Variants in GLIS3 observed in about 807,000 individuals in gnomAD.
The protein encoded by GLIS3 is zinc finger protein GLIS3.
In GLIS3, 53 loss-of-function variants were observed where a neutral mutation model predicts 78.6. That is an observed-to-expected ratio of 0.67 (90% CI 0.54 to 0.85). The LOEUF (loss-of-function observed/expected upper bound fraction) is 0.85. Ranked by LOEUF, GLIS3 falls within the 40% of genes least tolerant of loss-of-function variation. The pLI is 0.00. For missense variants in GLIS3, 1,703 were observed against 1,231.1 expected (o/e 1.38, Z -5.74); for synonymous variants, 684 against 509.9 (o/e 1.34, Z -4.60).
At chr9:3,884,441 T>C (rs1423359245) in intron 7 of GLIS3, among the ~76,000 whole-genome samples, 2 of 152,170 alleles carry the variant, frequency 1.3e-5, no homozygotes, top group Non-Finnish European at 2.9e-5. Flanking sequence ...TGTTTAAAAC[T>C]ATGTGAGCAG....
intron 4 of GLIS3, among the ~76,000 whole-genome samples, chr9:3,987,761 C>CAAAAAAA (rs60986898): frequency 2.9e-4 from 3 of 10,460 alleles, no homozygotes; most frequent in African/African-American, 6.9e-4. Context: ...CTGGATTTGG[C>CAAAAAAA]AAAAAAAAAA....
intron 4 of GLIS3, among the ~76,000 whole-genome samples, chr9:3,980,691 G>A (rs1205358075): frequency 6.6e-6 from 1 of 152,164 alleles, no homozygotes; most frequent in Non-Finnish European, 1.5e-5. Context: ...AAAAAGTGCA[G>A]GTAGTTCTAA....
intron 4 of GLIS3, among the ~76,000 whole-genome samples, chr9:3,995,526 CAGATATA>C (rs1245675566): frequency 6.6e-6 from 1 of 151,480 alleles, no homozygotes; most frequent in African/African-American, 2.4e-5. Flanking sequence ...ATGGAAATAT[CAGATATA>C]TAAGTATAAA....
At position 3,856,143 on chromosome 9, in the gene GLIS3, C is replaced by G. The variant is rs200694226; in HGVS notation, c.2339G>C (p.Arg780Pro). 1.3e-5 allele frequency: 21 copies of G among 1,613,888 alleles called. No individual in the cohort carries two copies. Among genetic ancestry groups the G allele is most frequent in the African/African-American group, 2.7e-5 (2 of 74,892 alleles). The change falls in exon 9 of 11, where the codon CGG becomes CCG. Residue 780 changes from arginine (R) to proline (P), a missense_variant. Transcript: ENST00000381971. The part of the protein sequence containing the change: ...SAPSPHHISP[R>P]RVPAPSSILQ... ...TATTGAAGAAGGAGCTGGAACTCTC[C>G]GGGGGCTGATGTGGTGAGGAGATGG...
intron 6 of GLIS3, among the ~76,000 whole-genome samples, chr9:3,902,536 TAAA>T (rs1296509316): frequency 6.6e-6 from 1 of 152,206 alleles, no homozygotes; most frequent in Non-Finnish European, 1.5e-5. Context: ...CAGGAATAGT[TAAA>T]GAAGATAGAG....
chr9:3,951,835 A>G (rs1816701286), intron 4 of GLIS3, among the ~76,000 whole-genome samples: 1 of 109,850 alleles, frequency 9.1e-6, no homozygotes, highest in South Asian at 2.9e-4. Flanking sequence ...GAGAGGAATA[A>G]GCATGAACAC....
intron 4 of GLIS3, among the ~76,000 whole-genome samples, chr9:3,970,137 T>A (rs1406465904): frequency 1.3e-5 from 2 of 152,164 alleles, no homozygotes; most frequent in African/African-American, 4.8e-5. Flanking sequence ...TTATTAAGGG[T>A]GGTTTTCAGA....
At chr9:4,382,938 A>C in the GLIS3 span, among the ~76,000 whole-genome samples, 1 of 152,296 alleles carries the variant, frequency 6.6e-6, no homozygotes, top group South Asian at 2.1e-4. Flanking sequence ...GCATCTCACA[A>C]AGCAAAATTT....
chr9:4,080,929 G>A (rs1242797645), intron 4 of GLIS3, among the ~76,000 whole-genome samples: 2 of 152,174 alleles, frequency 1.3e-5, no homozygotes, highest in African/African-American at 2.4e-5. Flanking sequence ...CGGTGTTTGA[G>A]GTGGGTCTGC....
the GLIS3 span, among the ~76,000 whole-genome samples, chr9:4,358,931 G>C: frequency 6.6e-6 from 1 of 152,144 alleles, no homozygotes; most frequent in Non-Finnish European, 1.5e-5. Flanking sequence ...TTTCAGGCTG[G>C]CTGTAGTTCA....
chr9:4,118,753 G>A lies in GLIS3; in HGVS notation c.725C>T (p.Ser242Phe), dbSNP rs759906591. Residue 242 changes from serine to phenylalanine, a missense_variant, in exon 4 of 11, where the codon TCT (serine) becomes TTT (phenylalanine). Transcript: ENST00000381971. The surrounding 1 kb of genome is among the most constrained non-coding windows in gnomAD (Gnocchi z 4.7). ...ATCCCCTAGATCAAGGCCATTCTGA[G>A]AGCCGTGGTTGGAGAGCGAAGGGAG... ...RALPSLSNHG[S>F]QNGLDLGDLL... 5.0e-6 allele frequency: 8 copies of A among 1,613,788 alleles called. No individual in the cohort carries two copies. In the Admixed American group the frequency reaches 5.0e-5, roughly 10 times the overall value.
intron 2 of GLIS3, among the ~76,000 whole-genome samples, chr9:4,259,466 T>C (rs1587190777): frequency 1.3e-5 from 2 of 151,908 alleles, no homozygotes; most frequent in South Asian, 4.2e-4. Flanking sequence ...AAGTTAGGGG[T>C]GGGGGAACTA....
At chr9:4,016,447 T>C (rs568531153) in intron 4 of GLIS3, among the ~76,000 whole-genome samples, 140 of 152,346 alleles carry the variant, frequency 9.2e-4, no homozygotes, top group African/African-American at 3.2e-3. Flanking sequence ...AGAAGAATTA[T>C]ACATTTCTAA....
Position 4,060,937 on chromosome 9 carries a change from T to G in GLIS3, c.1710+56831A>C, listed in dbSNP as rs1344656594. On this transcript the variant is annotated intron_variant, in intron 4 of 10. Transcript: ENST00000381971. Reference sequence around the variant, plus strand: ...CCACCACTCCCACTTTGCCCATGGATTTTCTAGACTCAGAGCCTGCCTGCT... The same window carrying G: ...CCACCACTCCCACTTTGCCCATGGAGTTTCTAGACTCAGAGCCTGCCTGCT... 2.6e-5 allele frequency among the ~76,000 whole-genome samples: 4 copies of G among 152,182 alleles called. No individual in the cohort carries two copies. The East Asian group carries it at 7.7e-4, about 29-fold the overall frequency.
intron 5 of GLIS3, among the ~76,000 whole-genome samples, chr9:3,934,344 T>C (rs1417459964): frequency 6.6e-6 from 1 of 152,140 alleles, no homozygotes; most frequent in Non-Finnish European, 1.5e-5. Flanking sequence ...ACAAATTATA[T>C]AAATTGATGC....
At chr9:4,082,228 C>A (rs964152388) in intron 4 of GLIS3, among the ~76,000 whole-genome samples, 1 of 152,170 alleles carries the variant, frequency 6.6e-6, no homozygotes, top group Admixed American at 6.5e-5. Flanking sequence ...TGCTTATCAG[C>A]ACCAATTTAC....
chr9:4,333,844 A>G (rs1817717740), intron 2 of GLIS3, among the ~76,000 whole-genome samples: 1 of 151,364 alleles, frequency 6.6e-6, no homozygotes, highest in East Asian at 2.0e-4. Context: ...ATAAAGCTCC[A>G]AACAACACTT....
intron 4 of GLIS3, among the ~76,000 whole-genome samples, chr9:3,966,435 C>CTTTTTTTTTTTTTTTTT (rs764863612): frequency 6.6e-6 from 1 of 150,740 alleles, no homozygotes; most frequent in Non-Finnish European, 1.5e-5. Flanking sequence ...TGATGCAAAG[C>CTTTTTTTTTTTTTTTTT]CTTTTTTTTT....
chr9:4,254,437 G>A (rs756427522), intron 2 of GLIS3, among the ~76,000 whole-genome samples: 19 of 152,184 alleles, frequency 1.2e-4, no homozygotes, highest in Non-Finnish European at 1.6e-4. Context: ...CCATTATAAA[G>A]CAATTCCAAT....
Sources: allele counts gnomAD v4.1 joint callset (sites outside exome capture counted in the v4.1 genomes callset), GRCh38; gene constraint gnomAD v4.1.1; non-coding constraint Gnocchi (gnomAD v3.1); transcripts MANE v1.5; gene names NCBI Gene and HGNC (gene_info 2026-07-23, HGNC 2026-07-21).